Variants in ZNF83 observed in about 807,000 individuals in gnomAD.
ZNF83 encodes the protein zinc finger protein 83.
For missense variants in ZNF83, 552 were observed against 629.9 expected (o/e 0.88, Z 1.32); for synonymous variants, 209 against 213.0 (o/e 0.98, Z 0.17).
At chr19:52,612,970 G>C in exon 3 of ZNF83, 2 of 1,477,580 alleles carry the variant, frequency 1.4e-6, no homozygotes, top group Non-Finnish European at 1.8e-6. Flanking sequence ...ATAAATTATT[G>C]TATGTCTTAC....
chr19:52,686,968 G>A (rs1037270386), intron 1 of ZNF83, among the ~76,000 whole-genome samples: 2 of 151,902 alleles, frequency 1.3e-5, no homozygotes, highest in Non-Finnish European at 2.9e-5. Flanking sequence ...GATCACCTGA[G>A]GTCAGGAGTT....
intron 2 of ZNF83, among the ~76,000 whole-genome samples, chr19:52,625,262 A>C (rs916837068): frequency 4.6e-5 from 7 of 152,148 alleles, no homozygotes; most frequent in Non-Finnish European, 7.3e-5. Context: ...ATCAATATTT[A>C]TACTGACTCA....
intron 2 of ZNF83, among the ~76,000 whole-genome samples, chr19:52,621,981 C>A (rs1484568172): frequency 6.6e-6 from 1 of 151,768 alleles, no homozygotes; most frequent in Non-Finnish European, 1.5e-5. Context: ...CCCTTCAGTC[C>A]CAACACCAAC....
In ZNF83 at chr19:52,669,080, C is replaced by A. The variant is rs527930675; in HGVS notation, c.-282-8237G>T. Among the ~76,000 whole-genome samples, 6 of 152,300 alleles carry A rather than the reference C, an allele frequency of 3.9e-5. No homozygotes were observed. In the South Asian group the frequency reaches 1.2e-3, roughly 32 times the overall value. On this transcript the variant is annotated intron_variant, in intron 1 of 5. Transcript: ENST00000594682. ...GTTTACCAATCAGCCACTCTTTATT[C>A]ATCCCTGAGCAGATGCATAGTGGTA...
chr19:52,654,039 G>A, intron 3 of ZNF83: 2 of 1,580,462 alleles, frequency 1.3e-6, no homozygotes, highest in South Asian at 2.2e-5. Flanking sequence ...AGGAAGCATT[G>A]TTGATAGACT....
upstream of ZNF83, chr19:52,638,422 G>A (rs1362307525): frequency 1.3e-5 from 1 of 75,786 alleles, no homozygotes; most frequent in Non-Finnish European, 2.5e-5. Flanking sequence ...GCGGGGCCTG[G>A]ATGAGGTAGG....
chr19:52,670,686 T>A (rs978099817), intron 1 of ZNF83, among the ~76,000 whole-genome samples: 2 of 152,168 alleles, frequency 1.3e-5, no homozygotes, highest in Non-Finnish European at 2.9e-5. Context: ...AGAACATATG[T>A]CCAAGGTGAT....
intron 1 of ZNF83, among the ~76,000 whole-genome samples, chr19:52,672,663 G>A (rs1473014123): frequency 2.0e-5 from 3 of 152,120 alleles, no homozygotes; most frequent in Non-Finnish European, 2.9e-5. Flanking sequence ...GCAATGGCAC[G>A]GTCTCGGCTC....
chr19:52,685,586 C>G (rs1310279580), intron 1 of ZNF83, among the ~76,000 whole-genome samples: 2 of 151,942 alleles, frequency 1.3e-5, no homozygotes, highest in African/African-American at 4.8e-5. Context: ...AAGACGTAAG[C>G]GAACTGTTTC....
intron 1 of ZNF83, among the ~76,000 whole-genome samples, chr19:52,684,758 G>C (rs1209069849): frequency 6.6e-6 from 1 of 152,050 alleles, no homozygotes; most frequent in African/African-American, 2.4e-5. Context: ...TAAGAGCAGG[G>C]ACAATGACCT....
intron 2 of ZNF83, among the ~76,000 whole-genome samples, chr19:52,619,352 G>C (rs867596834): frequency 6.6e-6 from 1 of 152,182 alleles, no homozygotes; most frequent in South Asian, 2.1e-4. Context: ...TTTTGGCCAG[G>C]TGCTGTGGCT....
intron 2 of ZNF83, among the ~76,000 whole-genome samples, chr19:52,624,769 C>T (rs1288335879): frequency 1.3e-5 from 2 of 152,180 alleles, no homozygotes; most frequent in African/African-American, 4.8e-5. Context: ...TACCACCACC[C>T]TAATACTTTT....
exon 3 of ZNF83, chr19:52,613,460 C>T (rs768797381): frequency 2.4e-5 from 38 of 1,613,920 alleles, no homozygotes; most frequent in East Asian, 8.9e-5. Context: ...GGTTTCTCAC[C>T]GGCATGAATT....
chr19:52,684,159 A>G (rs2147363711), intron 1 of ZNF83, among the ~76,000 whole-genome samples: 1 of 152,196 alleles, frequency 6.6e-6, no homozygotes, highest in African/African-American at 2.4e-5. Flanking sequence ...ACTTGAGGTC[A>G]GGAGTTTGAG....
rs1343912854 is a variant in ZNF83, at chr19:52,638,296, G to T, written c.-322+16C>A. The T allele has an allele frequency of 1.4e-5, 2 of 147,458 alleles. No individual in the cohort carries two copies. Among genetic ancestry groups the T allele is most frequent in the African/African-American group, 4.9e-5 (2 of 40,456 alleles). 9.1% of individuals were successfully genotyped at this position (147,458 alleles called of 1,614,324 possible). A position where few individuals can be genotyped will look rare whatever the true frequency, so the allele number is the denominator to read the frequency against. On this transcript the variant is annotated intron_variant, in intron 1 of 2. Transcript: ENST00000301096. ...GGACCTGGTAAGCGCAGACTTAATA[G>T]AAGAGCGAAACTCACCGCCACGGTG...
intron 1 of ZNF83, among the ~76,000 whole-genome samples, chr19:52,685,689 G>A (rs2062002911): frequency 6.6e-6 from 1 of 151,984 alleles, no homozygotes; most frequent in South Asian, 2.1e-4. Flanking sequence ...CTGAGGTCAG[G>A]AGCTCGAGAC....
intron 1 of ZNF83, among the ~76,000 whole-genome samples, chr19:52,688,278 C>G (rs1357377592): frequency 1.3e-5 from 2 of 151,994 alleles, no homozygotes; most frequent in Non-Finnish European, 2.9e-5. Context: ...TCAAGTGATC[C>G]TCCTCCCTTG....
At chr19:52,616,528 G>A (rs2060311146) in intron 2 of ZNF83, among the ~76,000 whole-genome samples, 1 of 152,130 alleles carries the variant, frequency 6.6e-6, no homozygotes, top group Non-Finnish European at 1.5e-5. Flanking sequence ...TATACTGCAT[G>A]GAATACTATG....
upstream of ZNF83, among the ~76,000 whole-genome samples, chr19:52,639,413 C>CTCTTTT (rs1206783591): frequency 1.9e-5 from 1 of 53,882 alleles, no homozygotes; most frequent in African/African-American, 9.1e-5. Flanking sequence ...TTAGTTTTTT[C>CTCTTTT]TATTTTTTTT....
Sources: gnomAD v4.1 joint callset for allele counts (sites outside exome capture counted in the v4.1 genomes callset) on GRCh38, gnomAD v4.1.1 for gene constraint, MANE v1.5 for transcripts, NCBI Gene and HGNC (gene_info 2026-07-23, HGNC 2026-07-21) for gene names.